Variants in PLXNA4 observed in about 807,000 individuals in gnomAD.
PLXNA4 encodes the protein plexin-A4.
In PLXNA4, 44 loss-of-function variants were observed where a neutral mutation model predicts 191.8. That is an observed-to-expected ratio of 0.23 (90% CI 0.18 to 0.29). PLXNA4 has a LOEUF of 0.29. Ranked by LOEUF, PLXNA4 falls within the 10% of genes least tolerant of loss-of-function variation. The pLI, the probability that PLXNA4 is intolerant of heterozygous loss-of-function variation, is 1.00. For synonymous variants in PLXNA4, 1,082 were observed against 1,009.5 expected (o/e 1.07, Z -1.36); for missense variants, 1,800 against 2,488.8 (o/e 0.72, Z 5.89).
chr7:132,590,022 G>GT (rs1218362366), intron 2 of PLXNA4, among the ~76,000 whole-genome samples: 1 of 152,206 alleles, frequency 6.6e-6, no homozygotes, highest in Non-Finnish European at 1.5e-5. Context: ...CCATGAAAGG[G>GT]TCAATGTGGG....
At chr7:132,315,399 T>C (rs1338714888) in intron 3 of PLXNA4, among the ~76,000 whole-genome samples, 1 of 152,212 alleles carries the variant, frequency 6.6e-6, no homozygotes, top group African/African-American at 2.4e-5. Context: ...ACTTTCTAAA[T>C]TTAATTCACA....
chr7:132,636,545 C>T (rs974662592), intron 2 of PLXNA4, among the ~76,000 whole-genome samples: 4 of 152,178 alleles, frequency 2.6e-5, no homozygotes, highest in African/African-American at 9.7e-5. Context: ...TGAAAATGCC[C>T]AAATGCCCTG....
intron 3 of PLXNA4, among the ~76,000 whole-genome samples, chr7:132,327,293 A>G (rs1261690913): frequency 9.9e-5 from 15 of 152,190 alleles, no homozygotes; most frequent in African/African-American, 3.6e-4. Flanking sequence ...CCATAATTTG[A>G]CATTTCCAGG....
intron 25 of PLXNA4, among the ~76,000 whole-genome samples, chr7:132,154,652 G>C (rs186682320): frequency 1.3e-5 from 2 of 152,316 alleles, no homozygotes; most frequent in East Asian, 3.9e-4. Flanking sequence ...AGATATTCTT[G>C]AATGTGGAAC....
At chr7:132,160,688 G>A (rs1420146606) in intron 24 of PLXNA4, among the ~76,000 whole-genome samples, 1 of 152,142 alleles carries the variant, frequency 6.6e-6, no homozygotes, top group Non-Finnish European at 1.5e-5. Context: ...TGCTGCCAGA[G>A]AGCCCTCTGT....
At chr7:132,202,564 C>A in intron 12 of PLXNA4, 82 bp downstream of exon 12, 2 of 1,346,540 alleles carry the variant, frequency 1.5e-6, no homozygotes, top group Non-Finnish European at 1.9e-6. Context: ...ACCGACACCA[C>A]GGCTGGGCAG....
At position 132,624,593 on chromosome 7, in the gene PLXNA4, A is replaced by G. The variant is rs114185105; in HGVS notation, c.-87+21335T>C. ...CAAGTCCTACTTCATATGAAAAGTC[A>G]CATCTGGGGGCTACTCAATCTTGGA... is the stretch of plus-strand genomic sequence containing the variant. On this transcript the variant is annotated intron_variant, in intron 2 of 4. Transcript: ENST00000378539. Among the ~76,000 whole-genome samples the G allele has an allele frequency of 3.3e-3, 504 of 152,310 alleles. 3 individuals are homozygous for G. Among genetic ancestry groups the G allele is most frequent in the African/African-American group, 0.011 (478 of 41,570 alleles).
chr7:132,474,676 A>C (rs73724026), intron 3 of PLXNA4, among the ~76,000 whole-genome samples: 4,593 of 152,212 alleles, frequency 0.03, 147 homozygotes, highest in African/African-American at 0.08. Flanking sequence ...ATCCTATCAG[A>C]ACTGGTTAGT....
intron 4 of PLXNA4, among the ~76,000 whole-genome samples, chr7:132,261,726 A>T (rs529608511): frequency 1.3e-5 from 2 of 152,334 alleles, no homozygotes; most frequent in South Asian, 4.1e-4. Flanking sequence ...TAAAAGAAAC[A>T]GTTCCAGATG....
At chr7:132,525,731 G>A (rs1374548681) in intron 1 of PLXNA4, among the ~76,000 whole-genome samples, 1 of 152,132 alleles carries the variant, frequency 6.6e-6, no homozygotes, top group African/African-American at 2.4e-5. Context: ...CAGACCCACA[G>A]GATTATAATA....
intron 3 of PLXNA4, among the ~76,000 whole-genome samples, chr7:132,369,573 A>C (rs913064184): frequency 1.3e-5 from 2 of 152,134 alleles, no homozygotes; most frequent in Non-Finnish European, 2.9e-5. Context: ...CACCAAAAAG[A>C]GAGGGCACCG....
rs114282069 is a variant in PLXNA4, at chr7:132,495,058, T to G, written c.1189-5584A>C. Among the ~76,000 whole-genome samples, 1,398 of 152,208 alleles carry G rather than the reference T, an allele frequency of 9.2e-3. 26 individuals carry two copies. Among genetic ancestry groups the G allele is most frequent in the African/African-American group, 0.032 (1,336 of 41,542 alleles). On this transcript the variant is annotated intron_variant, in intron 2 of 31. Transcript: ENST00000321063. Reference sequence around the variant, plus strand: ...TCTTAAGGAACCAACTATCACCCACTCTGACAGCCACATCAATCCATCTTG... The same window carrying G: ...TCTTAAGGAACCAACTATCACCCACGCTGACAGCCACATCAATCCATCTTG...
At chr7:132,465,514 G>A (rs555155885) in intron 3 of PLXNA4, among the ~76,000 whole-genome samples, 1 of 152,300 alleles carries the variant, frequency 6.6e-6, no homozygotes, top group African/African-American at 2.4e-5. Flanking sequence ...GTCACCTAAG[G>A]ACCCATCCAA....
intron 3 of PLXNA4, 108 bp from the exon 4 acceptor site, chr7:132,298,330 G>C (rs1801183150): frequency 7.1e-7 from 1 of 1,402,630 alleles, no homozygotes; most frequent in Non-Finnish European, 9.6e-7. Flanking sequence ...CATGAGTTCT[G>C]TCTCCACAGT....
intron 3 of PLXNA4, among the ~76,000 whole-genome samples, chr7:132,381,435 G>A (rs959927653): frequency 2.6e-5 from 4 of 152,190 alleles, no homozygotes; most frequent in Admixed American, 6.5e-5. Context: ...GAAAACAAAT[G>A]CAACTGAAGA....
intron 3 of PLXNA4, among the ~76,000 whole-genome samples, chr7:132,405,178 T>C (rs1173688787): frequency 6.6e-6 from 1 of 152,104 alleles, no homozygotes; most frequent in Non-Finnish European, 1.5e-5. Context: ...AGCAGTTTGC[T>C]GAAACATGGT....
intron 3 of PLXNA4, among the ~76,000 whole-genome samples, chr7:132,319,583 TC>T (rs1436861498): frequency 1.3e-5 from 2 of 152,198 alleles, no homozygotes; most frequent in Non-Finnish European, 2.9e-5. Context: ...TTTCCTACTC[TC>T]CAAACACATT....
intron 3 of PLXNA4, among the ~76,000 whole-genome samples, chr7:132,474,843 T>C (rs901857526): frequency 3.8e-4 from 58 of 152,240 alleles, no homozygotes; most frequent in African/African-American, 1.4e-3. Flanking sequence ...GAAAGTCTTA[T>C]GGATCCTTGC....
At chr7:132,584,030 T>C (rs1210477514) in intron 2 of PLXNA4, among the ~76,000 whole-genome samples, 1 of 152,150 alleles carries the variant, frequency 6.6e-6, no homozygotes, top group Non-Finnish European at 1.5e-5. Context: ...ACTTTTGATT[T>C]TGTGGAGAGC....
Sources: allele counts gnomAD v4.1 joint callset (sites outside exome capture counted in the v4.1 genomes callset), GRCh38; gene constraint gnomAD v4.1.1; transcripts MANE v1.5; gene names NCBI Gene and HGNC (gene_info 2026-07-23, HGNC 2026-07-21).